Variants in ADK observed in about 807,000 individuals in gnomAD.
ADK encodes adenosine kinase, also known as N6,N6-dimethyladenosine kinase.
ADK carries 24 observed loss-of-function variants against 44.7 expected under a neutral mutation model. The ratio of observed to expected loss-of-function variants is 0.54; its 90% confidence interval spans 0.39 to 0.76. The LOEUF (loss-of-function observed/expected upper bound fraction) is 0.76. Among genes scored for constraint, ADK ranks in the 30% least tolerant of loss-of-function variants. The pLI is 0.00. For missense variants in ADK, 321 were observed against 425.1 expected (o/e 0.76, Z 2.15); for synonymous variants, 128 against 142.6 (o/e 0.90, Z 0.73).
Position 74,708,315 on chromosome 10 carries a change from T to TTCTA in ADK, c.965-5_965-2dup. The TTCTA allele has an allele frequency of 6.2e-7, 1 of 1,609,872 alleles. No individual in the cohort carries two copies. The highest frequency in any genetic ancestry group is 8.5e-7 in the Non-Finnish European group (1 of 1,178,928). ...ACTCATGTGTTTTTTTTTGCCTGTG[T>TTCTA]TCTAGGTTTTCTGTCTCAACTGGTC... On this transcript the variant is annotated splice_polypyrimidine_tract_variant and splice_region_variant and intron_variant, in intron 10 of 10. Transcript: ENST00000539909.
chr10:74,582,996 A>G (rs1851420110), intron 7 of ADK, among the ~76,000 whole-genome samples: 1 of 152,192 alleles, frequency 6.6e-6, no homozygotes, highest in South Asian at 2.1e-4. Flanking sequence ...TTTATTTACA[A>G]ATTAAAGTTT....
intron 1 of ADK, among the ~76,000 whole-genome samples, chr10:74,158,945 G>A (rs1186363361): frequency 6.6e-6 from 1 of 152,148 alleles, no homozygotes; most frequent in East Asian, 1.9e-4. Flanking sequence ...TCAACTTTTG[G>A]ACTTGAAGAT....
intron 6 of ADK, among the ~76,000 whole-genome samples, chr10:74,445,375 A>G (rs1845558153): frequency 6.6e-6 from 1 of 151,958 alleles, no homozygotes; most frequent in Non-Finnish European, 1.5e-5. Flanking sequence ...TTTTCCATTT[A>G]TAACTAAGTG....
intron 6 of ADK, among the ~76,000 whole-genome samples, chr10:74,459,506 A>C (rs1846082211): frequency 6.6e-6 from 1 of 151,914 alleles, no homozygotes; most frequent in East Asian, 1.9e-4. Context: ...TGAGGTGGGC[A>C]GATCACGAGG....
chr10:74,302,698 A>T (rs1330954049), intron 3 of ADK, among the ~76,000 whole-genome samples: 1 of 152,086 alleles, frequency 6.6e-6, no homozygotes, highest in Non-Finnish European at 1.5e-5. Flanking sequence ...TGTGGCACTG[A>T]GGTAGGAGGT....
chr10:74,465,085 AAAAT>A (rs1227963285), intron 6 of ADK, among the ~76,000 whole-genome samples: 1 of 152,174 alleles, frequency 6.6e-6, no homozygotes, highest in African/African-American at 2.4e-5. Context: ...ACCTTGGAGA[AAAAT>A]AAAACAGAAA....
chr10:74,655,982 G>A (rs1235460622), intron 9 of ADK: 5 of 682,980 alleles, frequency 7.3e-6, no homozygotes, highest in Non-Finnish European at 1.4e-5. Flanking sequence ...CTCTGGACGT[G>A]ACCATGGGAA....
intron 3 of ADK, among the ~76,000 whole-genome samples, chr10:74,232,211 A>G (rs1420493627): frequency 6.6e-6 from 1 of 152,074 alleles, no homozygotes; most frequent in Non-Finnish European, 1.5e-5. Flanking sequence ...TTGCTTAAAT[A>G]TTTTGTTGCT....
chr10:74,644,392 C>T (rs1156370743), intron 9 of ADK, among the ~76,000 whole-genome samples: 2 of 152,192 alleles, frequency 1.3e-5, no homozygotes, highest in African/African-American at 2.4e-5. Flanking sequence ...CCCCATTTTC[C>T]TTTATGTTTA....
At chr10:74,301,454 C>T (rs568939884) in intron 3 of ADK, among the ~76,000 whole-genome samples, 14 of 142,288 alleles carry the variant, frequency 9.8e-5, no homozygotes, top group Non-Finnish European at 1.5e-4. Flanking sequence ...GCGGAGGTTG[C>T]GGTGAGCCCA....
chr10:74,661,664 C>T (rs1379518742), intron 9 of ADK, among the ~76,000 whole-genome samples: 1 of 152,146 alleles, frequency 6.6e-6, no homozygotes, highest in Non-Finnish European at 1.5e-5. Flanking sequence ...GTCTCTATTC[C>T]TCTTGGGACA....
chr10:74,224,998 G>A (rs10762587), intron 3 of ADK, among the ~76,000 whole-genome samples: 111,944 of 152,200 alleles, frequency 0.74, 41,859 homozygotes, highest in Middle Eastern at 0.85. Context: ...CACCTTCATG[G>A]TAATGATAGA....
intron 3 of ADK, among the ~76,000 whole-genome samples, chr10:74,296,155 G>C (rs767659158): frequency 2.0e-5 from 3 of 149,174 alleles, no homozygotes; most frequent in Non-Finnish European, 4.4e-5. Context: ...AAAGATTCTT[G>C]AGATGGATAC....
chr10:74,427,275 T>A (rs1383144330), intron 6 of ADK, among the ~76,000 whole-genome samples: 1 of 152,160 alleles, frequency 6.6e-6, no homozygotes, highest in African/African-American at 2.4e-5. Context: ...CTCCGCTCAC[T>A]GCAAGCTCGA....
intron 3 of ADK, among the ~76,000 whole-genome samples, chr10:74,245,472 ATACTT>A (rs988556823): frequency 2.6e-5 from 4 of 152,146 alleles, no homozygotes; most frequent in African/African-American, 9.7e-5. Flanking sequence ...ACTTATCACA[ATACTT>A]TACATGTAGT....
chr10:74,547,894 G>A (rs1849895233), intron 7 of ADK, among the ~76,000 whole-genome samples: 1 of 152,146 alleles, frequency 6.6e-6, no homozygotes, highest in Non-Finnish European at 1.5e-5. Context: ...CCAACCTCAG[G>A]TGATCTCCCT....
chr10:74,645,526 C>A (rs1369849685), intron 9 of ADK, among the ~76,000 whole-genome samples: 1 of 152,070 alleles, frequency 6.6e-6, no homozygotes, highest in Non-Finnish European at 1.5e-5. Context: ...AAATATTATA[C>A]CTGTGTCAAA....
At chr10:74,467,712 A>C (rs1055717905) in intron 6 of ADK, among the ~76,000 whole-genome samples, 2 of 151,934 alleles carry the variant, frequency 1.3e-5, no homozygotes, top group African/African-American at 2.4e-5. Context: ...TTCTCTATTT[A>C]ATTTTCCCAA....
At chr10:74,461,606 T>C (rs1846174545) in intron 6 of ADK, among the ~76,000 whole-genome samples, 1 of 152,086 alleles carries the variant, frequency 6.6e-6, no homozygotes, top group Non-Finnish European at 1.5e-5. Context: ...TTTAATATAA[T>C]TGATGGTTTG....
Sources: allele counts gnomAD v4.1 joint callset (sites outside exome capture counted in the v4.1 genomes callset), GRCh38; gene constraint gnomAD v4.1.1; transcripts MANE v1.5; gene names NCBI Gene and HGNC (gene_info 2026-07-23, HGNC 2026-07-21).